SCML4: variants seen among roughly 807,000 people sequenced by gnomAD.
SCML4 encodes the protein sex comb on midleg-like protein 4.
SCML4 carries 34 observed loss-of-function variants against 41.1 expected under a neutral mutation model. That is an observed-to-expected ratio of 0.83 (90% CI 0.63 to 1.10). The LOEUF is 1.10. Among genes scored for constraint, SCML4 ranks in the 50% least tolerant of loss-of-function variants. The pLI, the probability that SCML4 is intolerant of heterozygous loss-of-function variation, is 0.00. For missense variants in SCML4, 522 were observed against 534.1 expected (o/e 0.98, Z 0.22); for synonymous variants, 214 against 220.9 (o/e 0.97, Z 0.28).
intron 1 of SCML4, among the ~76,000 whole-genome samples, chr6:107,801,152 G>T (rs948701768): frequency 6.6e-6 from 1 of 152,216 alleles, no homozygotes; most frequent in African/African-American, 2.4e-5. Context: ...GGGTCCTTCA[G>T]ATTCCAGTCC....
intron 1 of SCML4, among the ~76,000 whole-genome samples, chr6:107,780,770 TTCATATCTTGGGGATAGAGAAGAGTCGGC>T (rs1781422293): frequency 1.3e-5 from 2 of 152,078 alleles, no homozygotes; most frequent in African/African-American, 4.8e-5. Context: ...GATGACTGAT[TTCATATCTTGGGGATAGAGAAGAGTCGGC>T]ATTAGCTTGT....
intron 1 of SCML4, among the ~76,000 whole-genome samples, chr6:107,796,868 G>T (rs1035132774): frequency 6.6e-6 from 1 of 152,034 alleles, no homozygotes; most frequent in African/African-American, 2.4e-5. Context: ...GTGAGATAAG[G>T]CTGAGGGTTC....
the SCML4 span, among the ~76,000 whole-genome samples, chr6:107,845,721 C>T: frequency 9.9e-4 from 151 of 152,318 alleles, 2 homozygotes; most frequent in Non-Finnish European, 1.9e-3. Context: ...CACAGGGTTA[C>T]ATTAGGGTTT....
chr6:107,756,800 A>G (rs1435875563), intron 2 of SCML4, among the ~76,000 whole-genome samples: 1 of 152,162 alleles, frequency 6.6e-6, no homozygotes, highest in East Asian at 1.9e-4. Context: ...TAAAAACAGG[A>G]TGTGGCAGAA....
intron 2 of SCML4, among the ~76,000 whole-genome samples, chr6:107,754,493 T>C (rs530531935): frequency 6.6e-6 from 1 of 152,308 alleles, no homozygotes; most frequent in Non-Finnish European, 1.5e-5. Context: ...ACTTTCCATG[T>C]CTTGTGATGG....
chr6:107,828,024 T>C (rs933760140), upstream of SCML4, among the ~76,000 whole-genome samples: 8 of 152,254 alleles, frequency 5.3e-5, no homozygotes, highest in Non-Finnish European at 1.0e-4. Flanking sequence ...TGAAGAATTA[T>C]GTGTGAAGCC....
intron 2 of SCML4, among the ~76,000 whole-genome samples, chr6:107,771,908 G>A (rs550468900): frequency 3.3e-5 from 5 of 152,282 alleles, no homozygotes; most frequent in African/African-American, 1.2e-4. Flanking sequence ...GTTTAGCGAT[G>A]ACCCTAAAAT....
At chr6:107,815,515 T>A (rs2176560) in intron 1 of SCML4, among the ~76,000 whole-genome samples, 63,201 of 152,114 alleles carry the variant, frequency 0.42, 16,142 homozygotes, top group East Asian at 0.7. Context: ...TTCCAAGAGT[T>A]GTGTATCATT....
intron 1 of SCML4, among the ~76,000 whole-genome samples, chr6:107,785,472 G>C (rs1041355857): frequency 3.9e-5 from 6 of 152,238 alleles, no homozygotes; most frequent in African/African-American, 7.2e-5. Flanking sequence ...CCAGAAGGCA[G>C]TGAGAAACAT....
intron 1 of SCML4, among the ~76,000 whole-genome samples, chr6:107,778,853 A>C (rs1034735755): frequency 2.0e-5 from 3 of 152,128 alleles, no homozygotes; most frequent in Admixed American, 6.5e-5. Context: ...AGGCTCAAAC[A>C]CTATGCTTAG....
chr6:107,776,655 G>T (rs1352362041), intron 1 of SCML4, among the ~76,000 whole-genome samples: 3 of 152,068 alleles, frequency 2.0e-5, no homozygotes, highest in African/African-American at 7.2e-5. Flanking sequence ...CTTTCTGGAG[G>T]ACAATTTGAA....
intron 6 of SCML4, 144 bp downstream of exon 6, chr6:107,720,559 C>T (rs1477314496): frequency 7.0e-7 from 1 of 1,421,668 alleles, no homozygotes; most frequent in Non-Finnish European, 9.2e-7. Flanking sequence ...ACCTCAAGAT[C>T]CATGAAAGGA....
intron 2 of SCML4, chr6:107,755,592 G>T (rs751051163): frequency 5.2e-6 from 7 of 1,346,726 alleles, no homozygotes; most frequent in Non-Finnish European, 6.9e-6. Context: ...GGAATGGGGG[G>T]GTTCTCTGCC....
the SCML4 span, among the ~76,000 whole-genome samples, chr6:107,843,087 C>A: frequency 6.6e-6 from 1 of 151,816 alleles, no homozygotes; most frequent in Non-Finnish European, 1.5e-5. Context: ...AATCAAAATA[C>A]CAAAAGGAGA....
intron 1 of SCML4, among the ~76,000 whole-genome samples, chr6:107,803,458 C>G (rs911776730): frequency 7.6e-5 from 11 of 145,630 alleles, no homozygotes; most frequent in African/African-American, 1.3e-4. Context: ...GCCAGCCGCC[C>G]GGTCCGGGAG....
At chr6:107,814,091 T>G (rs114939334) in intron 1 of SCML4, among the ~76,000 whole-genome samples, 1 of 152,206 alleles carries the variant, frequency 6.6e-6, no homozygotes, top group African/African-American at 2.4e-5. Flanking sequence ...CTTCCACCAA[T>G]CCTAAGAGCC....
intron 1 of SCML4, among the ~76,000 whole-genome samples, chr6:107,783,365 G>C (rs879645557): frequency 4.4e-3 from 1 of 226 alleles, no homozygotes. Flanking sequence ...TGCCTGATGG[G>C]AGGAGCTGGT....
At chr6:107,764,829 G>T (rs1471480413) in intron 2 of SCML4, among the ~76,000 whole-genome samples, 1 of 152,156 alleles carries the variant, frequency 6.6e-6, no homozygotes, top group Non-Finnish European at 1.5e-5. Flanking sequence ...TCTTGTGGTA[G>T]TGAATAAGTC....
At chr6:107,775,338 G>A (rs1261626052) in intron 1 of SCML4, among the ~76,000 whole-genome samples, 1 of 152,196 alleles carries the variant, frequency 6.6e-6, no homozygotes, top group Non-Finnish European at 1.5e-5. Context: ...TGAGCTTAGA[G>A]TTCCTCAACT....
Sources: gnomAD v4.1 joint callset for allele counts (sites outside exome capture counted in the v4.1 genomes callset) on GRCh38, gnomAD v4.1.1 for gene constraint, MANE v1.5 for transcripts, NCBI Gene and HGNC (gene_info 2026-07-23, HGNC 2026-07-21) for gene names.